DENND11: variants seen among roughly 807,000 people sequenced by gnomAD.
The protein encoded by DENND11 is DENN domain-containing protein 11.
A neutral mutation model predicts 49.2 loss-of-function variants in DENND11; 34 were observed. That is an observed-to-expected ratio of 0.69 (90% CI 0.53 to 0.92). DENND11 has a LOEUF of 0.92. DENND11 is among the 40% of genes least tolerant of loss of function. The pLI, the probability that DENND11 is intolerant of heterozygous loss-of-function variation, is 0.00. For synonymous variants in DENND11, 238 were observed against 230.3 expected (o/e 1.03, Z -0.30); for missense variants, 475 against 581.6 (o/e 0.82, Z 1.88).
intron 1 of DENND11, chr7:141,701,683 A>C: frequency 3.1e-6 from 1 of 320,860 alleles, no homozygotes; most frequent in Non-Finnish European, 5.3e-6. Flanking sequence ...GCCGCGCGCC[A>C]GCACCCAGCT....
intron 4 of DENND11, 72 bp from the exon 5 acceptor site, chr7:141,666,497 C>G: frequency 7.3e-7 from 1 of 1,372,618 alleles, no homozygotes; most frequent in African/African-American, 1.4e-5. Flanking sequence ...CAAAAGGTAT[C>G]TAATCTCCTT....
chr7:141,690,299 T>C (rs1326575323), intron 1 of DENND11, among the ~76,000 whole-genome samples: 1 of 152,190 alleles, frequency 6.6e-6, no homozygotes, highest in Non-Finnish European at 1.5e-5. Context: ...GGCTTCTCCT[T>C]AGGACACCCA....
In DENND11 at chr7:141,701,960, C is replaced by T; in HGVS notation, c.194G>A (p.Gly65Glu). The T allele has an allele frequency of 8.4e-7, 1 of 1,184,360 alleles. No homozygotes were observed. Among genetic ancestry groups the T allele is most frequent in the Non-Finnish European group, 1.0e-6 (1 of 957,954 alleles). The allele number at this position is 1,184,360 out of a possible 1,614,324, so 73.4% of individuals were successfully genotyped here. A position where few individuals can be genotyped will look rare whatever the true frequency, so the allele number is the denominator to read the frequency against. The change falls in exon 1 of 9, where the codon GGG becomes GAG. Residue 65 changes from glycine (G) to glutamate (E), a missense_variant. Transcript: ENST00000536163. ...PAAPEVLLQP[G>E]RLELGDVEED... ...CTCCACGTCGCCCAGCTCCAGGCGC[C>T]CGGGCTGCAGCAGCACCTCCGGGGC...
rs2117072334 is a variant in DENND11 at position 141,685,506 on chromosome 7, A to G, written c.499T>C (p.Tyr167His). The stretch of plus-strand genomic sequence containing the variant: ...ACCTGGTTCTCCAAGAAGTGCATGT[A>G]GCGGTAAAGCAGTGTGTAGGAGGGA... The part of the protein sequence containing the change: ...LSPSYTLLYR[Y>H]MHFLENQVRH... Residue 167 changes from tyrosine (Y) to histidine (H), a missense_variant, in exon 3 of 9, where the codon TAC (tyrosine) becomes CAC (histidine). By Grantham distance (83) the Tyr-to-His change is moderately conservative. Coordinates refer to ENST00000536163, the MANE Select transcript of DENND11 (RefSeq NM_001080392.2). The G allele has an allele frequency of 1.2e-6, 2 of 1,613,994 alleles. No individual in the cohort carries two copies. Among genetic ancestry groups the G allele is most frequent in the East Asian group, 4.5e-5 (2 of 44,882 alleles).
chr7:141,690,564 A>G (rs1798311427), intron 1 of DENND11, among the ~76,000 whole-genome samples: 1 of 152,170 alleles, frequency 6.6e-6, no homozygotes, highest in Admixed American at 6.5e-5. Context: ...TGTATCTCCT[A>G]GTTTTTCGGT....
At chr7:141,669,244 G>GTTTT (rs36043478) in intron 4 of DENND11, among the ~76,000 whole-genome samples, 6 of 133,790 alleles carry the variant, frequency 4.5e-5, no homozygotes, top group African/African-American at 5.5e-5. Context: ...CTTCTTTAAA[G>GTTTT]TTTTTTTTTT....
chr7:141,701,721 G>A, intron 1 of DENND11, 165 bp downstream of exon 1: 1 of 489,844 alleles, frequency 2.0e-6, no homozygotes, highest in Non-Finnish European at 2.9e-6. Flanking sequence ...GCTGAGGACT[G>A]GCCGACCCCC....
At chr7:141,677,231 G>T (rs1798071402) in intron 3 of DENND11, among the ~76,000 whole-genome samples, 1 of 151,772 alleles carries the variant, frequency 6.6e-6, no homozygotes, top group Admixed American at 6.6e-5. Flanking sequence ...TTCGAGACCA[G>T]CCTGGCCAAC....
chr7:141,669,244 GT>G lies in DENND11; in HGVS notation c.682-2820del, dbSNP rs36043478. Among the ~76,000 whole-genome samples the G allele has an allele frequency of 3.5e-3, 473 of 133,762 alleles. 1 individual carries two copies. Among genetic ancestry groups the G allele is most frequent in the African/African-American group, 8.1e-3 (295 of 36,614 alleles). The allele number at this position is 133,762 out of a possible 152,430, so 87.8% of individuals were successfully genotyped here. ...TACATTAAAAGCTTACTTCTTTAAA[GT>G]TTTTTTTTTTTTTTTTTTGAGAGGG... On this transcript the variant is annotated intron_variant, in intron 4 of 8. Coordinates refer to ENST00000536163, the MANE Select transcript of DENND11 (RefSeq NM_001080392.2).
Position 141,664,620 on chromosome 7 carries a change from G to A in DENND11, c.1103+284C>T, listed in dbSNP as rs115165461. Among the ~76,000 whole-genome samples, 355 of 152,310 alleles carry A rather than the reference G, an allele frequency of 2.3e-3. 2 individuals carry two copies. Among genetic ancestry groups the A allele is most frequent in the African/African-American group, 8.2e-3 (339 of 41,566 alleles). On this transcript the variant is annotated intron_variant, in intron 7 of 8. Coordinates refer to ENST00000536163, the MANE Select transcript of DENND11 (RefSeq NM_001080392.2). ...ACACACAGGTACATCTAAAGGTCAC[G>A]TGGAGAGCAGCTGGCAGCTAAGGTA... is the stretch of plus-strand genomic sequence containing the variant.
At chr7:141,679,141 A>C (rs1257644572) in intron 3 of DENND11, among the ~76,000 whole-genome samples, 1 of 152,192 alleles carries the variant, frequency 6.6e-6, no homozygotes, top group Admixed American at 6.5e-5. Flanking sequence ...CCTAAGCTAG[A>C]CCTAAGCTTA....
rs1797814268 is a variant in DENND11 at position 141,662,481 on chromosome 7, C to T, written c.*175G>A. 6.3e-6 allele frequency: 3 copies of T among 474,528 alleles called. No individual in the cohort carries two copies. The East Asian group carries it at 1.0e-4, about 16-fold the overall frequency. 29.4% of individuals were successfully genotyped at this position (474,528 alleles called of 1,614,324 possible). A position where few individuals can be genotyped will look rare whatever the true frequency, so the allele number is the denominator to read the frequency against. On this transcript the variant is annotated 3_prime_UTR_variant, in exon 9 of 9. Coordinates refer to ENST00000536163, the MANE Select transcript of DENND11 (RefSeq NM_001080392.2). ...AGGACACAAAACCAAGGTGATCTCA[C>T]CTTATCTCTAGGGAAAAGGGCAGAA... is the stretch of plus-strand genomic sequence containing the variant.
chr7:141,701,758 G>A, intron 1 of DENND11, 128 bp downstream of exon 1: 1 of 794,900 alleles, frequency 1.3e-6, no homozygotes, highest in Non-Finnish European at 1.6e-6. Flanking sequence ...GGGAGCCCGG[G>A]GCCGGCCCTG....
intron 7 of DENND11, among the ~76,000 whole-genome samples, chr7:141,664,570 C>A (rs922806387): frequency 6.6e-6 from 1 of 152,176 alleles, no homozygotes; most frequent in African/African-American, 2.4e-5. Context: ...AATGAAGGTG[C>A]TCAGTCAAGG....
intron 1 of DENND11, among the ~76,000 whole-genome samples, chr7:141,700,986 C>A (rs1798501947): frequency 6.6e-6 from 1 of 152,090 alleles, no homozygotes; most frequent in African/African-American, 2.4e-5. Context: ...ACGACTCCTG[C>A]GATGACACCT....
At position 141,660,561 on chromosome 7, in the gene DENND11, G is replaced by A. The variant is rs565531204; in HGVS notation, c.*2095C>T. ...GTTAAAACTGCAGTGTTTGCATATAGAAGGCTCAGAGCAGAAATGCCTCAA... is the reference window on the plus strand; with the variant it reads ...GTTAAAACTGCAGTGTTTGCATATAAAAGGCTCAGAGCAGAAATGCCTCAA... On this transcript the variant is annotated 3_prime_UTR_variant, in exon 9 of 9. Coordinates refer to ENST00000536163, the MANE Select transcript of DENND11 (RefSeq NM_001080392.2). The A allele has an allele frequency of 6.6e-5, 10 of 152,364 alleles. No homozygotes were observed. In the South Asian group the frequency reaches 2.1e-3, roughly 32 times the overall value. 9.4% of individuals were successfully genotyped at this position (152,364 alleles called of 1,614,324 possible).
At chr7:141,670,101 C>T (rs560293730) in intron 4 of DENND11, among the ~76,000 whole-genome samples, 1 of 151,044 alleles carries the variant, frequency 6.6e-6, no homozygotes, top group Non-Finnish European at 1.5e-5. Context: ...TGAGCCACCG[C>T]GCCCGGCCTC....
chr7:141,694,197 G>A (rs985362369), intron 1 of DENND11, among the ~76,000 whole-genome samples: 1 of 152,092 alleles, frequency 6.6e-6, no homozygotes, highest in Admixed American at 6.6e-5. Flanking sequence ...TAAATTAACT[G>A]CCCTAAGAGT....
In DENND11 at chr7:141,657,612, G is replaced by A. The variant is rs542097115; in HGVS notation, c.*5044C>T. On this transcript the variant is annotated 3_prime_UTR_variant, in exon 9 of 9. Coordinates refer to ENST00000536163, the MANE Select transcript of DENND11 (RefSeq NM_001080392.2). ...GTAAATTTATTGTTAGTCTAAATAAGCATTCTATAGCAAACATAAGTAATT... is the reference window on the plus strand; with the variant it reads ...GTAAATTTATTGTTAGTCTAAATAAACATTCTATAGCAAACATAAGTAATT... 40 of 152,342 alleles carry A rather than the reference G, an allele frequency of 2.6e-4. No homozygotes were observed. Among genetic ancestry groups the A allele is most frequent in the African/African-American group, 9.6e-4 (40 of 41,528 alleles). 9.4% of individuals were successfully genotyped at this position (152,342 alleles called of 1,614,324 possible).
Sources: gnomAD v4.1 joint callset for allele counts (sites outside exome capture counted in the v4.1 genomes callset) on GRCh38, gnomAD v4.1.1 for gene constraint, MANE v1.5 for transcripts, NCBI Gene and HGNC (gene_info 2026-07-23, HGNC 2026-07-21) for gene names.